SERINC5: variants seen among roughly 807,000 people sequenced by gnomAD.
SERINC5 encodes the protein serine incorporator 5.
In SERINC5, 41 loss-of-function variants were observed where a neutral mutation model predicts 63.1. That is an observed-to-expected ratio of 0.65 (90% CI 0.51 to 0.84). SERINC5 has a LOEUF of 0.84. Ranked by LOEUF, SERINC5 falls within the 40% of genes least tolerant of loss-of-function variation. SERINC5 has a pLI of 0.00. For synonymous variants in SERINC5, 222 were observed against 215.2 expected, an observed-to-expected ratio of 1.03 and a Z score of -0.28; for missense variants, 523 against 573.0, an observed-to-expected ratio of 0.91 and a Z score of 0.89.
intron 11 of SERINC5, chr5:80,128,849 ACT>A (rs1744837151): frequency 6.6e-6 from 1 of 151,844 alleles, no homozygotes; most frequent in African/African-American, 2.4e-5. Flanking sequence ...ATTCATTCTT[ACT>A]CTTTCCCTCC....
chr5:80,162,220 A>C (rs1746980767), intron 7 of SERINC5, among the ~76,000 whole-genome samples: 1 of 2,432 alleles, frequency 4.1e-4, no homozygotes, highest in African/African-American at 1.7e-3. Context: ...GTTTCTATAC[A>C]AATTTTAGGA....
intron 1 of SERINC5, among the ~76,000 whole-genome samples, chr5:80,215,301 T>C (rs1336162553): frequency 6.6e-6 from 1 of 152,154 alleles, no homozygotes; most frequent in East Asian, 1.9e-4. Context: ...GCTCCTGCCA[T>C]GTAAGACACC....
At chr5:80,150,018 G>T (rs1055388494) in intron 9 of SERINC5, among the ~76,000 whole-genome samples, 1 of 152,222 alleles carries the variant, frequency 6.6e-6, no homozygotes, top group Non-Finnish European at 1.5e-5. Flanking sequence ...GGCAACCAAT[G>T]TATGTATTGT....
chr5:80,213,672 C>T (rs1455319385), intron 1 of SERINC5, among the ~76,000 whole-genome samples: 1 of 152,116 alleles, frequency 6.6e-6, no homozygotes, highest in Non-Finnish European at 1.5e-5. Flanking sequence ...CTTTCTGTGC[C>T]CCTTCCTGTC....
At position 80,112,457 on chromosome 5, in the gene SERINC5, G is replaced by A. The variant is rs148835632; in HGVS notation, c.*30-755C>T. Among the ~76,000 whole-genome samples, 1,038 of 152,202 alleles carry A rather than the reference G, an allele frequency of 6.8e-3. 11 individuals are homozygous for A. The highest frequency in any genetic ancestry group is 0.024 in the African/African-American group (1,003 of 41,516). On this transcript the variant is annotated intron_variant, in intron 12 of 12. Transcript: ENST00000509193. The stretch of plus-strand genomic sequence containing the variant: ...CCTGCCGCTTCCTCTTGCTGAGATA[G>A]TGAAAATAGTAATCAATAAATACTG...
At chr5:80,228,443 C>G (rs1460392057) in intron 1 of SERINC5, among the ~76,000 whole-genome samples, 1 of 145,986 alleles carries the variant, frequency 6.8e-6, no homozygotes, top group Non-Finnish European at 1.5e-5. Context: ...TTGCCTTTCT[C>G]TTTCAACTAT....
chr5:80,137,524 AGCT>A (rs1332196509), downstream of SERINC5, among the ~76,000 whole-genome samples: 22 of 151,508 alleles, frequency 1.5e-4, no homozygotes, highest in African/African-American at 5.3e-4. Flanking sequence ...CTGTAGTCCC[AGCT>A]GCTACTCGGG....
At chr5:80,241,598 G>A (rs1357880135) in intron 1 of SERINC5, among the ~76,000 whole-genome samples, 1 of 152,186 alleles carries the variant, frequency 6.6e-6, no homozygotes, top group Non-Finnish European at 1.5e-5. Flanking sequence ...TTACTTGGTA[G>A]GCTGAGGCAG....
At chr5:80,224,632 C>CT (rs915425171) in intron 1 of SERINC5, among the ~76,000 whole-genome samples, 637 of 149,814 alleles carry the variant, frequency 4.3e-3, no homozygotes, top group African/African-American at 0.014. Flanking sequence ...AAAAACACAA[C>CT]TTTTTTTTTT....
Position 80,151,044 on chromosome 5 carries a change from C to T in SERINC5, c.987-96G>A, listed in dbSNP as rs151165082. ...GGCTGGCCAGTGCTCCGACGAGAGC[C>T]TCAATGTAACCTACCGTTCAGGAGA... On this transcript the variant is annotated intron_variant, in intron 8 of 11. Transcript: ENST00000507668. 305 of 845,212 alleles carry T rather than the reference C, an allele frequency of 3.6e-4. 2 individuals are homozygous for T. The East Asian group carries it at 7.2e-3, about 20-fold the overall frequency. The allele number at this position is 845,212 out of a possible 1,614,324, so 52.4% of individuals were successfully genotyped here.
rs913958549 is a variant in SERINC5 at position 80,142,883 on chromosome 5, T to C, written c.*780A>G. On this transcript the variant is annotated 3_prime_UTR_variant, in exon 12 of 12. Transcript: ENST00000507668. ...GAATCTTGTTCTATAATCATGTGAA[T>C]AACACCATAAATAAGCGCCGTACTT... The C allele has an allele frequency of 5.1e-5, 50 of 985,314 alleles. No individual in the cohort carries two copies. The highest frequency in any genetic ancestry group is 3.1e-4 in the Admixed American group (5 of 16,272). The allele number at this position is 985,314 out of a possible 1,614,324, so 61.0% of individuals were successfully genotyped here. A position where few individuals can be genotyped will look rare whatever the true frequency, so the allele number is the denominator to read the frequency against.
Position 80,142,271 on chromosome 5 carries a change from G to T in SERINC5, c.*1392C>A. 9.1e-6 allele frequency: 9 copies of T among 985,358 alleles called. No homozygotes were observed. Among genetic ancestry groups the T allele is most frequent in the Non-Finnish European group, 1.1e-5 (9 of 829,926 alleles). The allele number at this position is 985,358 out of a possible 1,614,324, so 61.0% of individuals were successfully genotyped here. A position where few individuals can be genotyped will look rare whatever the true frequency, so the allele number is the denominator to read the frequency against. On this transcript the variant is annotated 3_prime_UTR_variant, in exon 12 of 12. Coordinates refer to ENST00000507668, the MANE Select transcript of SERINC5 (RefSeq NM_001174072.3). ...CGTTTCTGTATTACTTTGCAAGTACGTATTTTGGAAATTCCTGTGCAGCGT... is the reference window on the plus strand; with the variant it reads ...CGTTTCTGTATTACTTTGCAAGTACTTATTTTGGAAATTCCTGTGCAGCGT...
chr5:80,207,198 C>T (rs1228251413), intron 1 of SERINC5, among the ~76,000 whole-genome samples: 1 of 152,100 alleles, frequency 6.6e-6, no homozygotes, highest in Non-Finnish European at 1.5e-5. Context: ...TGGGGTTTCA[C>T]TGTGTTAGCC....
chr5:80,177,965 C>T lies in SERINC5; in HGVS notation c.295G>A (p.Ala99Thr), dbSNP rs761271682. The T allele has an allele frequency of 6.2e-7, 1 of 1,612,384 alleles. No individual in the cohort carries two copies. The highest frequency in any genetic ancestry group is 2.2e-5 in the East Asian group (1 of 44,832). Reference sequence around the variant, plus strand: ...AGACAGAAGATAAAGAAGAAACAAGCCATTCCAAAACAGACTCTATACACG... The same window carrying T: ...AGACAGAAGATAAAGAAGAAACAAGTCATTCCAAAACAGACTCTATACACG... ...SAVYRVCFGM[A>T]CFFFIFCLLT... Residue 99 changes from alanine (A) to threonine (T), a missense_variant, in exon 3 of 12, where the codon GCT becomes ACT. Physicochemically the swap from Ala to Thr is moderately conservative, Grantham distance 58. Coordinates refer to ENST00000507668, the MANE Select transcript of SERINC5 (RefSeq NM_001174072.3).
intron 1 of SERINC5, among the ~76,000 whole-genome samples, chr5:80,242,123 C>T (rs1269622392): frequency 6.6e-6 from 1 of 151,868 alleles, no homozygotes; most frequent in East Asian, 1.9e-4. Context: ...GGAACAAGAT[C>T]CCATCTGAAA....
At chr5:80,121,467 G>T (rs982108668) in intron 11 of SERINC5, among the ~76,000 whole-genome samples, 1 of 152,092 alleles carries the variant, frequency 6.6e-6, no homozygotes, top group African/African-American at 2.4e-5. Context: ...GCATCAAGGC[G>T]TGAGGCATCC....
intron 1 of SERINC5, among the ~76,000 whole-genome samples, chr5:80,249,590 A>G (rs921844902): frequency 6.6e-6 from 1 of 152,090 alleles, no homozygotes. Context: ...ATCACCTGAG[A>G]TCAGGAGTTC....
chr5:80,140,321 A>C lies in SERINC5; in HGVS notation c.*3342T>G, dbSNP rs1745432763. On this transcript the variant is annotated 3_prime_UTR_variant, in exon 12 of 12. Coordinates refer to ENST00000507668, the MANE Select transcript of SERINC5 (RefSeq NM_001174072.3). ...GCCCGTCTCCAAAAAAAAAAAAAAAAAAAAAAAAAAAGGCTTAGGGTGACA... is the reference window on the plus strand; with the variant it reads ...GCCCGTCTCCAAAAAAAAAAAAAAACAAAAAAAAAAAGGCTTAGGGTGACA... The C allele has an allele frequency of 1.1e-6, 1 of 927,274 alleles. No individual in the cohort carries two copies. 57.4% of individuals were successfully genotyped at this position (927,274 alleles called of 1,614,324 possible).
chr5:80,167,981 T>C (rs1747413401), intron 6 of SERINC5, among the ~76,000 whole-genome samples: 1 of 152,200 alleles, frequency 6.6e-6, no homozygotes, highest in African/African-American at 2.4e-5. Context: ...GGCAAGGGAA[T>C]AAGATTTTCC....
Sources: allele counts gnomAD v4.1 joint callset (sites outside exome capture counted in the v4.1 genomes callset), GRCh38; gene constraint gnomAD v4.1.1; transcripts MANE v1.5; gene names NCBI Gene and HGNC (gene_info 2026-07-23, HGNC 2026-07-21).